Variants in PPP4R3B observed in about 807,000 individuals in gnomAD.
The protein encoded by PPP4R3B is serine/threonine-protein phosphatase 4 regulatory subunit 3B.
A neutral mutation model predicts 95.4 loss-of-function variants in PPP4R3B; 52 were observed. The ratio of observed to expected loss-of-function variants is 0.54; its 90% CI spans 0.44 to 0.69. PPP4R3B has a LOEUF of 0.69. PPP4R3B is among the 30% of genes least tolerant of loss of function. PPP4R3B has a pLI of 0.00. For missense variants in PPP4R3B, 1,003 were observed against 1,005.9 expected, an observed-to-expected ratio of 1.00 and a Z score of 0.04; for synonymous variants, 407 against 343.9, an observed-to-expected ratio of 1.18 and a Z score of -2.03.
chr2:55,582,321 G>A (rs1405031671), intron 7 of PPP4R3B, among the ~76,000 whole-genome samples: 1 of 152,036 alleles, frequency 6.6e-6, no homozygotes, highest in African/African-American at 2.4e-5. Flanking sequence ...GGAGTGCAGT[G>A]GGGCAATCTG....
Position 55,550,083 on chromosome 2 carries a change from T to TA in PPP4R3B, c.2455-78dup, listed in dbSNP as rs147722277. ...CTTTTAGTACAAATACAATCACTTGTAAAAATATCAGAAATCGTTTTTCTA... is the reference window on the plus strand; with the variant it reads ...CTTTTAGTACAAATACAATCACTTGTAAAAAATATCAGAAATCGTTTTTCTA... On this transcript the variant is annotated intron_variant, in intron 16 of 16. Coordinates refer to ENST00000616407, the MANE Select transcript of PPP4R3B (RefSeq NM_001122964.3). 6.9e-3 allele frequency: 6,169 copies of TA among 897,368 alleles called. 289 individuals are homozygous for TA. In the African/African-American group the frequency reaches 0.096, roughly 14 times the overall value. The allele number at this position is 897,368 out of a possible 1,614,324, so 55.6% of individuals were successfully genotyped here.
intron 3 of PPP4R3B, among the ~76,000 whole-genome samples, chr2:55,603,275 G>A (rs1362615268): frequency 2.6e-5 from 4 of 152,110 alleles, no homozygotes; most frequent in East Asian, 3.9e-4. Context: ...TTATATCCAA[G>A]AACATGTATT....
Position 55,578,249 on chromosome 2 carries a change from T to A in PPP4R3B, c.1562A>T (p.Gln521Leu). ...SHSTPSSSIS[Q>L]DNIVGSNKNN... ...GATACACTCCAAATTCAGCATACCT[T>A]GAGAGATGGAGGAAGAGGGGGTAGA... is the stretch of plus-strand genomic sequence containing the variant. The change falls in exon 10 of 17, where the codon CAA becomes CTA. Residue 521 changes from glutamine to leucine, a missense_variant and splice_region_variant. Physicochemically the swap from Gln to Leu is moderately radical, Grantham distance 113. This residue lies in a region of PPP4R3B where 695 missense variants were observed against 686.2 expected (regional missense o/e 1.01). Coordinates refer to ENST00000616407, the MANE Select transcript of PPP4R3B (RefSeq NM_001122964.3). 9 of 1,454,700 alleles carry A rather than the reference T, an allele frequency of 6.2e-6. No homozygotes were observed. Among genetic ancestry groups the A allele is most frequent in the Non-Finnish European group, 7.3e-6 (8 of 1,099,422 alleles). 90.1% of individuals were successfully genotyped at this position (1,454,700 alleles called of 1,614,324 possible). A position where few individuals can be genotyped will look rare whatever the true frequency, so the allele number is the denominator to read the frequency against.
chr2:55,607,511 T>G (rs1219646223), intron 2 of PPP4R3B, among the ~76,000 whole-genome samples: 1 of 152,196 alleles, frequency 6.6e-6, no homozygotes, highest in African/African-American at 2.4e-5. Context: ...AAAGGATATT[T>G]TAAAGGATAC....
chr2:55,564,994 T>C lies in PPP4R3B; in HGVS notation c.1983A>G (p.Lys661=). The change falls in exon 14 of 17, where the codon AAA becomes AAG. Residue 661 remains lysine (K), a synonymous_variant. Coordinates refer to ENST00000616407, the MANE Select transcript of PPP4R3B (RefSeq NM_001122964.3). ...GAACATATTCAATCGATTCAAGTGC[T>C]TTATAAAAGTTTTCAACTATATGGG... ...LTAHIVENFY[K]ALESIEYVQT... is the part of the protein sequence containing the mutation. 1 of 1,609,354 alleles carries C rather than the reference T, an allele frequency of 6.2e-7. No individual in the cohort carries two copies. The highest frequency in any genetic ancestry group is 8.5e-7 in the Non-Finnish European group (1 of 1,178,076).
intron 3 of PPP4R3B, among the ~76,000 whole-genome samples, chr2:55,602,820 G>A (rs1572707937): frequency 6.6e-6 from 1 of 152,180 alleles, no homozygotes; most frequent in Non-Finnish European, 1.5e-5. Flanking sequence ...AACTGTAACT[G>A]TGAGTATAAC....
At chr2:55,593,516 C>T (rs1463513316) in intron 4 of PPP4R3B, among the ~76,000 whole-genome samples, 1 of 152,152 alleles carries the variant, frequency 6.6e-6, no homozygotes, top group Non-Finnish European at 1.5e-5. Flanking sequence ...GGTAAGTGTA[C>T]TAGATACCCA....
At chr2:55,589,237 CACTTA>C (rs1690615486) in intron 4 of PPP4R3B, among the ~76,000 whole-genome samples, 1 of 152,206 alleles carries the variant, frequency 6.6e-6, no homozygotes, top group African/African-American at 2.4e-5. Context: ...CGTGAAAACT[CACTTA>C]ACTTAGATTC....
intron 12 of PPP4R3B, among the ~76,000 whole-genome samples, chr2:55,573,217 T>C (rs1688231128): frequency 6.6e-6 from 1 of 152,196 alleles, no homozygotes; most frequent in Non-Finnish European, 1.5e-5. Flanking sequence ...TTTCTTTCTC[T>C]GCTTGCAGGT....
chr2:55,551,747 A>G (rs1043215394), intron 16 of PPP4R3B, among the ~76,000 whole-genome samples: 1 of 148,060 alleles, frequency 6.8e-6, no homozygotes, highest in Admixed American at 6.8e-5. Context: ...GCAAGACTCC[A>G]TCTCAAAAAT....
intron 12 of PPP4R3B, among the ~76,000 whole-genome samples, chr2:55,572,844 G>T (rs1688182040): frequency 6.6e-6 from 1 of 152,124 alleles, no homozygotes; most frequent in Non-Finnish European, 1.5e-5. Flanking sequence ...AGAATCTGTG[G>T]AAGAGCCATA....
chr2:55,550,575 GGCCTTTGATGAGTAACA>G (rs1407352041), intron 16 of PPP4R3B, among the ~76,000 whole-genome samples: 1 of 152,108 alleles, frequency 6.6e-6, no homozygotes, highest in Non-Finnish European at 1.5e-5. Flanking sequence ...TCGTGGTCTT[GGCCTTTGATGAGTAACA>G]GACCTCTGTG....
chr2:55,588,786 C>T (rs1690542594), intron 5 of PPP4R3B, 93 bp downstream of exon 5: 1 of 695,012 alleles, frequency 1.4e-6, no homozygotes, highest in Non-Finnish European at 2.4e-6. Context: ...AATCTAATTA[C>T]AAAAAATTGT....
chr2:55,551,857 A>T (rs190928874), intron 16 of PPP4R3B, among the ~76,000 whole-genome samples: 4 of 152,374 alleles, frequency 2.6e-5, no homozygotes, highest in Admixed American at 6.5e-5. Flanking sequence ...AGCTGCTATT[A>T]CTACTATCAT....
chr2:55,600,358 G>A (rs189191207), intron 3 of PPP4R3B, among the ~76,000 whole-genome samples: 59 of 141,240 alleles, frequency 4.2e-4, no homozygotes, highest in Admixed American at 3.8e-3. Context: ...CCTGGGAGGC[G>A]GAGGTTGCAG....
In PPP4R3B at chr2:55,549,620, C is replaced by T. The variant is rs185018156; in HGVS notation, c.*291G>A. The stretch of plus-strand genomic sequence containing the variant: ...ATCAACCTTTTCCCCTCCCCTAAAC[C>T]GTCCCCAAACCTGTGACTTTTCCTT... On this transcript the variant is annotated 3_prime_UTR_variant, in exon 17 of 17. Coordinates refer to ENST00000616407, the MANE Select transcript of PPP4R3B (RefSeq NM_001122964.3). 770 of 352,644 alleles carry T rather than the reference C, an allele frequency of 2.2e-3. 2 individuals are homozygous for T. Among genetic ancestry groups the T allele is most frequent in the Non-Finnish European group, 3.3e-3 (634 of 194,674 alleles). 21.8% of individuals were successfully genotyped at this position (352,644 alleles called of 1,614,324 possible).
At chr2:55,590,613 G>A (rs1214910147) in intron 4 of PPP4R3B, among the ~76,000 whole-genome samples, 1 of 152,070 alleles carries the variant, frequency 6.6e-6, no homozygotes, top group Non-Finnish European at 1.5e-5. Flanking sequence ...AAAAACTGAT[G>A]GAAATTGTTG....
chr2:55,595,403 A>G (rs367859083), intron 4 of PPP4R3B, among the ~76,000 whole-genome samples: 9 of 152,024 alleles, frequency 5.9e-5, no homozygotes, highest in East Asian at 3.9e-4. Flanking sequence ...GGTGAGGAGC[A>G]TCACTTGAGG....
At chr2:55,596,596 G>A (rs150657950) in intron 4 of PPP4R3B, among the ~76,000 whole-genome samples, 25 of 152,336 alleles carry the variant, frequency 1.6e-4, no homozygotes, top group African/African-American at 5.8e-4. Context: ...TTGTGGCAAA[G>A]TTATCTCAAG....
Sources: gnomAD v4.1 joint callset for allele counts (sites outside exome capture counted in the v4.1 genomes callset) on GRCh38, gnomAD v4.1.1 for gene constraint, gnomAD v4.1.1 regional missense constraint, MANE v1.5 for transcripts, NCBI Gene and HGNC (gene_info 2026-07-23, HGNC 2026-07-21) for gene names.